The following ZNF169 variants were observed in gnomAD, a reference collection of about 807,000 sequenced individuals.
ZNF169 encodes zinc finger protein 169.
A neutral mutation model predicts 12.0 loss-of-function variants in ZNF169; 11 were observed. The ratio of observed to expected loss-of-function variants is 0.92; its 90% confidence interval spans 0.58 to 1.52. The LOEUF (loss-of-function observed/expected upper bound fraction) is 1.52. ZNF169 is among the 40% of genes most tolerant of loss of function. The pLI is 0.00. For synonymous variants in ZNF169, 302 were observed against 286.5 expected, an observed-to-expected ratio of 1.05 and a Z score of -0.55; for missense variants, 722 against 744.0, an observed-to-expected ratio of 0.97 and a Z score of 0.34.
At chr9:94,278,141 C>T (rs1830558104) in intron 1 of ZNF169, among the ~76,000 whole-genome samples, 1 of 152,206 alleles carries the variant, frequency 6.6e-6, no homozygotes, top group African/African-American at 2.4e-5. Context: ...TCTACCCCTA[C>T]TTCTCGCTTC....
chr9:94,274,852 T>C (rs117830079), intron 1 of ZNF169, among the ~76,000 whole-genome samples: 4,114 of 152,292 alleles, frequency 0.027, 82 homozygotes, highest in Non-Finnish European at 0.04. Context: ...ATGGGTTGTT[T>C]ACCTTCAAGA....
At chr9:94,276,396 GC>G (rs1172290499) in intron 1 of ZNF169, among the ~76,000 whole-genome samples, 1 of 152,024 alleles carries the variant, frequency 6.6e-6, no homozygotes, top group African/African-American at 2.4e-5. Flanking sequence ...CTCCGGAGTA[GC>G]TGGGATTATG....
chr9:94,288,250 G>A (rs936627097), intron 2 of ZNF169: 21 of 803,570 alleles, frequency 2.6e-5, no homozygotes, highest in African/African-American at 2.0e-4. Context: ...TGAGAAGGAC[G>A]AATTGAAGGT....
intron 1 of ZNF169, among the ~76,000 whole-genome samples, chr9:94,271,866 G>A (rs1170378406): frequency 6.6e-6 from 1 of 152,058 alleles, no homozygotes; most frequent in Non-Finnish European, 1.5e-5. Flanking sequence ...GGCTTTGTCA[G>A]GTTTTGGTGT....
intron 3 of ZNF169, 141 bp downstream of exon 3, chr9:94,292,608 TGTGTGTGTGTGTG>T: frequency 1.2e-5 from 3 of 240,756 alleles, no homozygotes; most frequent in Admixed American, 9.5e-5. Flanking sequence ...ACAGTGCAGT[TGTGTGTGTGTGTG>T]TGTGTGTGTG....
chr9:94,262,204 C>T (rs1481207877), intron 1 of ZNF169, among the ~76,000 whole-genome samples: 1 of 152,158 alleles, frequency 6.6e-6, no homozygotes, highest in Admixed American at 6.5e-5. Flanking sequence ...TGTCTGGCTC[C>T]TCATGGGTCA....
chr9:94,277,124 G>A (rs11794330), intron 1 of ZNF169, among the ~76,000 whole-genome samples: 23,924 of 152,140 alleles, frequency 0.16, 2,548 homozygotes, highest in Non-Finnish European at 0.23. Flanking sequence ...AAGTAGGGGG[G>A]CGGATTCCAG....
rs1306412385 is a variant in ZNF169, at chr9:94,301,651, C to T, written c.*281C>T. ...TTGGTAGGTTTGGCTGCTGCTTAAGCCTCTCTGTTTGGCTTGCGGATGGCT... is the reference window on the plus strand; with the variant it reads ...TTGGTAGGTTTGGCTGCTGCTTAAGTCTCTCTGTTTGGCTTGCGGATGGCT... On this transcript the variant is annotated 3_prime_UTR_variant, in exon 5 of 5. Coordinates refer to ENST00000395395, the MANE Select transcript of ZNF169 (RefSeq NM_194320.4). Among the ~76,000 whole-genome samples, 5 of 152,112 alleles carry T rather than the reference C, an allele frequency of 3.3e-5. No homozygotes were observed. Among genetic ancestry groups the T allele is most frequent in the Non-Finnish European group, 7.4e-5 (5 of 68,018 alleles).
intron 1 of ZNF169, among the ~76,000 whole-genome samples, chr9:94,273,329 TAGG>T (rs1298115514): frequency 6.6e-6 from 1 of 151,818 alleles, no homozygotes; most frequent in Non-Finnish European, 1.5e-5. Flanking sequence ...ATTTTTTTTT[TAGG>T]AGTTTTATAG....
At chr9:94,291,694 TA>T (rs1385194642) in intron 2 of ZNF169, among the ~76,000 whole-genome samples, 1 of 152,108 alleles carries the variant, frequency 6.6e-6, no homozygotes, top group African/African-American at 2.4e-5. Flanking sequence ...TCACTGAAGT[TA>T]AAATACAGTA....
intron 1 of ZNF169, among the ~76,000 whole-genome samples, chr9:94,270,837 ATATTATATTATATAAATATATAT>A: frequency 2.0e-4 from 2 of 9,994 alleles, no homozygotes; most frequent in Non-Finnish European, 7.6e-4. Flanking sequence ...TAAAATATAT[ATATTATATTATATAAATATATAT>A]AATAATATAT....
At chr9:94,279,565 G>T (rs186471283) in intron 2 of ZNF169, among the ~76,000 whole-genome samples, 3 of 149,386 alleles carry the variant, frequency 2.0e-5, no homozygotes, top group Non-Finnish European at 4.5e-5. Flanking sequence ...GCTTGAGCCC[G>T]GGAGGCGGAG....
intron 2 of ZNF169, chr9:94,288,541 G>T: frequency 1.9e-6 from 1 of 530,792 alleles, no homozygotes; most frequent in Non-Finnish European, 3.6e-6. Context: ...TATGTGAGTA[G>T]CACAGCCATC....
chr9:94,267,862 CT>C lies in ZNF169; in HGVS notation c.-56+8537del, dbSNP rs34734711. ...TTACAGCTGATTATAAAACTGCCTTCTTTTTTTTTTTTTTTTTTTTGAGACA... is the reference window on the plus strand; with the variant it reads ...TTACAGCTGATTATAAAACTGCCTTCTTTTTTTTTTTTTTTTTTTGAGACA... On this transcript the variant is annotated intron_variant, in intron 1 of 4. Coordinates refer to ENST00000395395, the MANE Select transcript of ZNF169 (RefSeq NM_194320.4). Among the ~76,000 whole-genome samples the C allele has an allele frequency of 8.8e-3, 1,008 of 114,098 alleles. 14 individuals are homozygous for C. The highest frequency in any genetic ancestry group is 0.031 in the African/African-American group (942 of 30,750). 74.9% of individuals were successfully genotyped at this position (114,098 alleles called of 152,430 possible). A position where few individuals can be genotyped will look rare whatever the true frequency, so the allele number is the denominator to read the frequency against.
At chr9:94,266,077 C>G (rs1196610068) in intron 1 of ZNF169, among the ~76,000 whole-genome samples, 1 of 75,424 alleles carries the variant, frequency 1.3e-5, no homozygotes, top group Non-Finnish European at 2.8e-5. Flanking sequence ...CAGAGAAAGA[C>G]TTTGTCTCAA....
rs182191843 is a variant in ZNF169, at chr9:94,265,714, C to T, written c.-56+6369C>T. ...ATAACTAAGGTCTGAGTCCTGAAGACTTTCCTCTGGAGCCTCAGTAAATTT... is the reference window on the plus strand; with the variant it reads ...ATAACTAAGGTCTGAGTCCTGAAGATTTTCCTCTGGAGCCTCAGTAAATTT... On this transcript the variant is annotated intron_variant, in intron 1 of 4. Transcript: ENST00000395395. Among the ~76,000 whole-genome samples, 350 of 152,172 alleles carry T rather than the reference C, an allele frequency of 2.3e-3. 1 individual carries two copies. Among genetic ancestry groups the T allele is most frequent in the African/African-American group, 8.3e-3 (343 of 41,496 alleles).
chr9:94,283,226 C>T (rs561332432), intron 2 of ZNF169, among the ~76,000 whole-genome samples: 4 of 152,012 alleles, frequency 2.6e-5, no homozygotes, highest in South Asian at 4.2e-4. Context: ...CTGGCTAACA[C>T]GGTGAAACTC....
intron 1 of ZNF169, among the ~76,000 whole-genome samples, chr9:94,261,666 G>T (rs1233711185): frequency 1.3e-5 from 2 of 152,172 alleles, no homozygotes; most frequent in Non-Finnish European, 2.9e-5. Context: ...CATAGAGTGA[G>T]TTCAAATCCA....
chr9:94,276,358 C>G (rs1365575838), intron 1 of ZNF169, among the ~76,000 whole-genome samples: 1 of 151,944 alleles, frequency 6.6e-6, no homozygotes, highest in Non-Finnish European at 1.5e-5. Flanking sequence ...CTCCACCTCC[C>G]AGGTTCAAGT....
Sources: allele counts gnomAD v4.1 joint callset (sites outside exome capture counted in the v4.1 genomes callset), GRCh38; gene constraint gnomAD v4.1.1; transcripts MANE v1.5; gene names NCBI Gene and HGNC (gene_info 2026-07-23, HGNC 2026-07-21).